Variants in KCNH7 observed in about 807,000 individuals in gnomAD.
The protein encoded by KCNH7 is potassium voltage-gated channel subfamily H member 7.
Under a neutral mutation model 120.8 loss-of-function variants are expected in KCNH7, and 49 were observed. That is an observed-to-expected ratio of 0.41 (90% CI 0.32 to 0.51). The LOEUF (loss-of-function observed/expected upper bound fraction) is 0.51, where lower values mean the gene tolerates loss of function less well. Ranked by LOEUF, KCNH7 falls within the 20% of genes least tolerant of loss-of-function variation. KCNH7 has a pLI of 0.38. For missense variants in KCNH7, 1,097 were observed against 1,446.6 expected (o/e 0.76, Z 3.92); for synonymous variants, 547 against 516.1 (o/e 1.06, Z -0.81).
intron 6 of KCNH7, among the ~76,000 whole-genome samples, chr2:162,457,277 G>C (rs1397718805): frequency 6.6e-6 from 1 of 151,860 alleles, no homozygotes. Context: ...ACATACTTCA[G>C]GAAGATAAAA....
At chr2:162,655,113 AAG>A (rs1478059291) in intron 2 of KCNH7, among the ~76,000 whole-genome samples, 2 of 152,142 alleles carry the variant, frequency 1.3e-5, no homozygotes, top group African/African-American at 2.4e-5. Context: ...GAAAATTGCT[AAG>A]AGAGTAGATT....
intron 2 of KCNH7, among the ~76,000 whole-genome samples, chr2:162,557,802 C>T (rs887958732): frequency 6.6e-5 from 10 of 151,988 alleles, no homozygotes; most frequent in South Asian, 2.1e-4. Flanking sequence ...TTTTCTGTCT[C>T]GGTTACTCTT....
intron 12 of KCNH7, among the ~76,000 whole-genome samples, chr2:162,392,130 A>C (rs1254255594): frequency 1.3e-5 from 2 of 152,076 alleles, no homozygotes; most frequent in Non-Finnish European, 2.9e-5. Flanking sequence ...TATTATAAGA[A>C]GTAAGTGCTT....
chr2:162,699,961 A>T (rs931929079), intron 2 of KCNH7, among the ~76,000 whole-genome samples: 2 of 152,340 alleles, frequency 1.3e-5, no homozygotes, highest in African/African-American at 4.8e-5. Context: ...AAATGAAGAA[A>T]AGAGAAAAAT....
chr2:162,530,360 GTA>G (rs1691873797), intron 3 of KCNH7, among the ~76,000 whole-genome samples: 1 of 151,770 alleles, frequency 6.6e-6, no homozygotes, highest in Admixed American at 6.6e-5. Context: ...TTCAATAGAG[GTA>G]TTTAAATTTT....
chr2:162,422,048 G>C (rs1212022061), intron 9 of KCNH7, among the ~76,000 whole-genome samples: 3 of 152,026 alleles, frequency 2.0e-5, no homozygotes, highest in Non-Finnish European at 2.9e-5. Context: ...TGTTCTTTTG[G>C]GGGATTAATT....
chr2:162,566,798 A>G (rs943948038), intron 2 of KCNH7, among the ~76,000 whole-genome samples: 5 of 152,024 alleles, frequency 3.3e-5, no homozygotes, highest in African/African-American at 1.2e-4. Context: ...AGATTTTTGT[A>G]TCAGCAGCTA....
chr2:162,571,690 A>G (rs1397729460), intron 2 of KCNH7, among the ~76,000 whole-genome samples: 1 of 142,248 alleles, frequency 7.0e-6, no homozygotes, highest in African/African-American at 2.7e-5. Flanking sequence ...ACTGGTACCA[A>G]AACAGAGATA....
chr2:162,737,067 G>T (rs1448470342), intron 2 of KCNH7, among the ~76,000 whole-genome samples: 2 of 152,118 alleles, frequency 1.3e-5, no homozygotes, highest in African/African-American at 2.4e-5. Context: ...AAAAAAGACT[G>T]AGATTTTGAT....
intron 6 of KCNH7, among the ~76,000 whole-genome samples, chr2:162,447,782 G>T (rs761782913): frequency 3.3e-5 from 5 of 151,830 alleles, no homozygotes; most frequent in Admixed American, 3.3e-4. Flanking sequence ...GTCATATCTC[G>T]TACCTTTTTA....
intron 3 of KCNH7, among the ~76,000 whole-genome samples, chr2:162,523,044 T>C (rs1038253843): frequency 6.6e-6 from 1 of 151,822 alleles, no homozygotes; most frequent in Non-Finnish European, 1.5e-5. Context: ...AATTATCACT[T>C]TAATCTATAC....
intron 2 of KCNH7, among the ~76,000 whole-genome samples, chr2:162,689,314 C>T (rs1359042703): frequency 1.3e-5 from 2 of 151,940 alleles, no homozygotes; most frequent in Non-Finnish European, 2.9e-5. Context: ...CCATGCCTGG[C>T]TGATTTTTTG....
intron 9 of KCNH7, among the ~76,000 whole-genome samples, chr2:162,412,762 G>T (rs78867538): frequency 1.3e-5 from 2 of 152,100 alleles, no homozygotes; most frequent in South Asian, 4.1e-4. Context: ...TTTAATGACC[G>T]AAAGAGATTC....
chr2:162,602,448 C>T (rs1336648623), intron 2 of KCNH7, among the ~76,000 whole-genome samples: 1 of 152,090 alleles, frequency 6.6e-6, no homozygotes, highest in Non-Finnish European at 1.5e-5. Context: ...AATTTGGCCT[C>T]TGCTACTTTT....
intron 2 of KCNH7, among the ~76,000 whole-genome samples, chr2:162,568,770 G>C (rs939264944): frequency 3.3e-5 from 5 of 151,888 alleles, no homozygotes; most frequent in African/African-American, 1.2e-4. Flanking sequence ...AACTTTTTAA[G>C]CTTTATATAG....
intron 2 of KCNH7, among the ~76,000 whole-genome samples, chr2:162,830,849 C>T (rs987967513): frequency 6.6e-6 from 1 of 152,156 alleles, no homozygotes; most frequent in Non-Finnish European, 1.5e-5. Flanking sequence ...GTCCCAGAAC[C>T]TGCTGATGCC....
chr2:162,537,683 T>C (rs1423208760), intron 2 of KCNH7, among the ~76,000 whole-genome samples: 1 of 152,136 alleles, frequency 6.6e-6, no homozygotes, highest in African/African-American at 2.4e-5. Context: ...GTTTTGTCTA[T>C]ATTATTGTGT....
chr2:162,794,975 T>C (rs973212548), intron 2 of KCNH7, among the ~76,000 whole-genome samples: 11 of 152,062 alleles, frequency 7.2e-5, no homozygotes, highest in African/African-American at 2.4e-4. Context: ...TTATACTACA[T>C]TTTTTTAATT....
At chr2:162,519,033 A>G (rs1199923038) in intron 3 of KCNH7, among the ~76,000 whole-genome samples, 2 of 151,800 alleles carry the variant, frequency 1.3e-5, no homozygotes, top group Admixed American at 6.6e-5. Flanking sequence ...AAGAGGATAT[A>G]ATTTTTCTAG....
Sources: gnomAD v4.1 joint callset for allele counts (sites outside exome capture counted in the v4.1 genomes callset) on GRCh38, gnomAD v4.1.1 for gene constraint, MANE v1.5 for transcripts, NCBI Gene and HGNC (gene_info 2026-07-23, HGNC 2026-07-21) for gene names.